The following MAP2K5 variants were observed in gnomAD, a reference collection of about 807,000 sequenced individuals.
MAP2K5 encodes the protein mitogen-activated protein kinase kinase 5.
A neutral mutation model predicts 83.1 loss-of-function variants in MAP2K5; 49 were observed. The observed-to-expected ratio is 0.59, with a 90% confidence interval of 0.47 to 0.75. MAP2K5 has a LOEUF of 0.75. Ranked by LOEUF, MAP2K5 falls within the 30% of genes least tolerant of loss-of-function variation. MAP2K5 has a pLI of 0.00. For missense variants in MAP2K5, 457 were observed against 557.5 expected (o/e 0.82, Z 1.82); for synonymous variants, 202 against 191.8 (o/e 1.05, Z -0.44).
At chr15:67,766,375 C>T (rs1216019704) in intron 19 of MAP2K5, among the ~76,000 whole-genome samples, 4 of 152,218 alleles carry the variant, frequency 2.6e-5, no homozygotes, top group Non-Finnish European at 2.9e-5. Context: ...AAGAGAGTGA[C>T]TTTCATTAAC....
intron 8 of MAP2K5, among the ~76,000 whole-genome samples, chr15:67,630,631 T>G (rs1416746191): frequency 6.6e-6 from 1 of 152,244 alleles, no homozygotes; most frequent in African/African-American, 2.4e-5. Context: ...TCTCTGTGCT[T>G]CAGAATTCTC....
chr15:67,575,230 C>G (rs964217368), intron 3 of MAP2K5, among the ~76,000 whole-genome samples: 1 of 152,080 alleles, frequency 6.6e-6, no homozygotes, highest in Non-Finnish European at 1.5e-5. Context: ...GCTAAAGTAA[C>G]TCAAGGAGAG....
Position 67,543,074 on chromosome 15 carries a change from G to A in MAP2K5, c.-262G>A. The A allele has an allele frequency of 1.9e-6, 1 of 523,754 alleles. No homozygotes were observed. The highest frequency in any genetic ancestry group is 3.5e-6 in the Non-Finnish European group (1 of 289,518). 32.4% of individuals were successfully genotyped at this position (523,754 alleles called of 1,614,324 possible). ...TCAACTCCAGAACCTTCCGACCTCC[G>A]CTAGTTCCTGCGGGCCTTTGCCCGC... On this transcript the variant is annotated 5_prime_UTR_variant, in exon 1 of 22. Coordinates refer to ENST00000178640, the MANE Select transcript of MAP2K5 (RefSeq NM_145160.3). This position sits in a 1 kb window ranked among gnomAD's most constrained non-coding sequence, Gnocchi z 4.3.
chr15:67,679,846 G>A (rs899865668), intron 13 of MAP2K5: 2 of 152,180 alleles, frequency 1.3e-5, no homozygotes, highest in African/African-American at 2.4e-5. Context: ...TAATTTGCAT[G>A]CCATAAAATT....
chr15:67,742,048 C>A (rs1298207057), intron 17 of MAP2K5, among the ~76,000 whole-genome samples: 1 of 152,110 alleles, frequency 6.6e-6, no homozygotes, highest in African/African-American at 2.4e-5. Context: ...GTGTCTGCCA[C>A]CACACCCGGC....
chr15:67,635,769 T>C lies in MAP2K5; in HGVS notation c.585+4842T>C, dbSNP rs575940173. On this transcript the variant is annotated intron_variant, in intron 9 of 21. Coordinates refer to ENST00000178640, the MANE Select transcript of MAP2K5 (RefSeq NM_145160.3). The stretch of plus-strand genomic sequence containing the variant: ...TAGGTTGGCTGCTGTTTTCTTTCAG[T>C]TTTTTAAAGATTTTGTTTCACTGTT... Among the ~76,000 whole-genome samples, 16 of 152,254 alleles carry C rather than the reference T, an allele frequency of 1.1e-4. 2 individuals carry two copies. The South Asian group carries it at 3.3e-3, about 32-fold the overall frequency.
chr15:67,753,674 A>T (rs906806583), intron 19 of MAP2K5, among the ~76,000 whole-genome samples: 1 of 152,134 alleles, frequency 6.6e-6, no homozygotes, highest in African/African-American at 2.4e-5. Context: ...TGTAATTAAA[A>T]AAAAAAGAAA....
chr15:67,792,173 G>A (rs1029875645), intron 21 of MAP2K5, among the ~76,000 whole-genome samples: 7 of 152,194 alleles, frequency 4.6e-5, no homozygotes, highest in East Asian at 1.9e-4. Context: ...GGTTGAGTTG[G>A]TCTGGTGGAA....
rs28668805 is a variant in MAP2K5 at position 67,730,504 on chromosome 15, A to G, written c.1074+2559A>G. 5.7e-3 allele frequency among the ~76,000 whole-genome samples: 873 copies of G among 152,282 alleles called. 8 individuals are homozygous for G. Among genetic ancestry groups the G allele is most frequent in the African/African-American group, 0.02 (834 of 41,550 alleles). ...GGGATCTTAGACATCATCAAATCAA[A>G]CTTCTCTACAATGTCTCTGAAAAGC... On this transcript the variant is annotated intron_variant, in intron 17 of 21. Coordinates refer to ENST00000178640, the MANE Select transcript of MAP2K5 (RefSeq NM_145160.3).
rs552316973 is a variant in MAP2K5 at position 67,768,317 on chromosome 15, G to A, written c.1135-1285G>A. ...TATCTGCCACCATTGATAATGACAC[G>A]CATATTGCAGAGGTGCTTTTATCAT... On this transcript the variant is annotated intron_variant, in intron 19 of 21. Transcript: ENST00000178640. This position sits in a 1 kb window ranked among gnomAD's most constrained non-coding sequence, Gnocchi z 4.0. Among the ~76,000 whole-genome samples the A allele has an allele frequency of 3.3e-5, 5 of 152,238 alleles. No individual in the cohort carries two copies. The highest frequency in any genetic ancestry group is 3.9e-4 in the East Asian group (2 of 5,182).
chr15:67,697,348 ATAT>A (rs755573394), intron 15 of MAP2K5, among the ~76,000 whole-genome samples: 1 of 152,208 alleles, frequency 6.6e-6, no homozygotes, highest in Non-Finnish European at 1.5e-5. Flanking sequence ...GACATAGGTA[ATAT>A]TATTATTCTC....
intron 4 of MAP2K5, 30 bp from the exon 5 acceptor site, chr15:67,585,860 G>A: frequency 1.2e-6 from 2 of 1,607,556 alleles, no homozygotes; most frequent in Non-Finnish European, 1.7e-6. Flanking sequence ...GCCCTGATGT[G>A]TTCTACAATT....
chr15:67,633,132 T>G (rs2086513597), intron 9 of MAP2K5, among the ~76,000 whole-genome samples: 1 of 152,240 alleles, frequency 6.6e-6, no homozygotes. Flanking sequence ...TCGTACCACC[T>G]TGGTTCTCAC....
rs1050251996 is a variant in MAP2K5, at chr15:67,724,063, C to T, written c.1045-3853C>T. Among the ~76,000 whole-genome samples the T allele has an allele frequency of 6.6e-6, 1 of 152,106 alleles. No individual in the cohort carries two copies. Among genetic ancestry groups the T allele is most frequent in the East Asian group, 1.9e-4 (1 of 5,200 alleles). On this transcript the variant is annotated intron_variant, in intron 16 of 21. Transcript: ENST00000178640. The surrounding 1 kb of genome is among the most constrained non-coding windows in gnomAD (Gnocchi z 4.4). ...TGAGTGCTGATTGCCTTGCCCGACC[C>T]CTAGTGATACAGAAACAGGCAAAAT...
In MAP2K5 at chr15:67,777,003, C is replaced by T. The variant is rs986355231; in HGVS notation, c.1242+4251C>T. ...CTATGCATGTGGAGATGTTTCTTTTCATCCAAAAACAGGAATTCATGACTG... is the reference window on the plus strand; with the variant it reads ...CTATGCATGTGGAGATGTTTCTTTTTATCCAAAAACAGGAATTCATGACTG... On this transcript the variant is annotated intron_variant, in intron 21 of 21. Transcript: ENST00000178640. The surrounding 1 kb of genome is among the most constrained non-coding windows in gnomAD (Gnocchi z 6.0). Among the ~76,000 whole-genome samples, 2 of 152,178 alleles carry T rather than the reference C, an allele frequency of 1.3e-5. No homozygotes were observed. Among genetic ancestry groups the T allele is most frequent in the Admixed American group, 6.5e-5 (1 of 15,282 alleles).
intron 17 of MAP2K5, among the ~76,000 whole-genome samples, chr15:67,735,553 A>C (rs771797287): frequency 6.6e-5 from 10 of 152,218 alleles, no homozygotes; most frequent in Non-Finnish European, 1.0e-4. Context: ...AGTGCAGTCC[A>C]GTTGGAAGAA....
chr15:67,796,161 A>G (rs2090600910), intron 21 of MAP2K5, among the ~76,000 whole-genome samples: 1 of 152,030 alleles, frequency 6.6e-6, no homozygotes, highest in Non-Finnish European at 1.5e-5. Flanking sequence ...ATTTATATTT[A>G]TTGTTTGTTG....
At chr15:67,593,100 C>A in intron 7 of MAP2K5, 126 bp downstream of exon 7, 1 of 645,200 alleles carries the variant, frequency 1.5e-6, no homozygotes, top group Non-Finnish European at 2.7e-6. Flanking sequence ...AATAACATGG[C>A]TTAATTTGAT....
At chr15:67,575,928 T>TCTTTCTTTC (rs1596583471) in intron 3 of MAP2K5, among the ~76,000 whole-genome samples, 6 of 51,354 alleles carry the variant, frequency 1.2e-4, no homozygotes, top group African/African-American at 5.9e-4. Flanking sequence ...TTTTTTTTTT[T>TCTTTCTTTC]TTTTTTTTTA....
Sources: allele counts gnomAD v4.1 joint callset (sites outside exome capture counted in the v4.1 genomes callset), GRCh38; gene constraint gnomAD v4.1.1; non-coding constraint Gnocchi (gnomAD v3.1); transcripts MANE v1.5; gene names NCBI Gene and HGNC (gene_info 2026-07-23, HGNC 2026-07-21).